Variants in HCRTR1 observed in about 807,000 individuals in gnomAD.
The protein encoded by HCRTR1 is hypocretin receptor 1, also known as orexin/Hypocretin receptor type 1.
Under a neutral mutation model 40.6 loss-of-function variants are expected in HCRTR1, and 28 were observed. The ratio of observed to expected loss-of-function variants is 0.69; its 90% CI spans 0.51 to 0.95. The LOEUF (loss-of-function observed/expected upper bound fraction) is 0.95, where lower values mean the gene tolerates loss of function less well. HCRTR1 is among the 40% of genes least tolerant of loss of function. The pLI is 0.00. For missense variants in HCRTR1, 482 were observed against 564.7 expected, an observed-to-expected ratio of 0.85 and a Z score of 1.48; for synonymous variants, 209 against 230.0, an observed-to-expected ratio of 0.91 and a Z score of 0.83.
Position 31,623,760 on chromosome 1 carries a change from G to C in HCRTR1, c.965+11G>C, listed in dbSNP as rs199761015. 2.5e-6 allele frequency: 4 copies of C among 1,604,236 alleles called. No homozygotes were observed. In the African/African-American group the frequency reaches 4.0e-5, roughly 16 times the overall value. On this transcript the variant is annotated intron_variant, in intron 7 of 8. Coordinates refer to ENST00000403528, the MANE Select transcript of HCRTR1 (RefSeq NM_001525.3). ...CAATGTCCTTAAGAGGTGAGAGCACGGGGTATGGTTGGGGTGGGGAGAAGT... is the reference window on the plus strand; with the variant it reads ...CAATGTCCTTAAGAGGTGAGAGCACCGGGTATGGTTGGGGTGGGGAGAAGT...
At chr1:31,632,758 AAGCCCTGAGGCCC>A (rs1440479121), downstream of HCRTR1, 37 of 1,220,686 alleles carry the variant, frequency 3.0e-5, no homozygotes, top group Non-Finnish European at 4.0e-5. Flanking sequence ...TCACAGAACC[AAGCCCTGAGGCCC>A]AGATGCCTGC....
downstream of HCRTR1, among the ~76,000 whole-genome samples, chr1:31,628,645 G>T (rs1375143382): frequency 6.6e-6 from 1 of 152,246 alleles, no homozygotes; most frequent in Admixed American, 6.5e-5. Context: ...TGGTTCAGTG[G>T]GAACAAAGAA....
At position 31,621,141 on chromosome 1, in the gene HCRTR1, G is replaced by A. The variant is rs532441867; in HGVS notation, c.622+55G>A. The A allele has an allele frequency of 1.7e-5, 27 of 1,562,556 alleles. No individual in the cohort carries two copies. In the African/African-American group the frequency reaches 3.2e-4, roughly 19 times the overall value. On this transcript the variant is annotated intron_variant, in intron 5 of 8. Transcript: ENST00000403528. The stretch of plus-strand genomic sequence containing the variant: ...CCTCAGGTGGGCACTTTGGGAGCAC[G>A]TACCCCTAGGACAGGCATCTAGCAG...
Position 31,623,474 on chromosome 1 carries a change from C to A in HCRTR1, c.739-49C>A, listed in dbSNP as rs757833209. The A allele has an allele frequency of 6.6e-6, 10 of 1,520,452 alleles. No homozygotes were observed. The South Asian group carries it at 1.3e-4, about 19-fold the overall frequency. The allele number at this position is 1,520,452 out of a possible 1,614,324, so 94.2% of individuals were successfully genotyped here. On this transcript the variant is annotated intron_variant, in intron 6 of 8. Transcript: ENST00000403528. ...GTAGGCCCCACAAAAGGCAACCACC[C>A]TCCCAAGGTGCTGTACCCACCACTG...
chr1:31,625,354 C>G lies in HCRTR1; in HGVS notation c.1087+236C>G, dbSNP rs1190051357. ...ATCCAGTTTTGCAGATTCTGCAGAC[C>G]AGTGAGTGAGTGGAAGGGCAGGGGC... is the stretch of plus-strand genomic sequence containing the variant. On this transcript the variant is annotated intron_variant, in intron 8 of 8. Transcript: ENST00000403528. This position sits in a 1 kb window ranked among gnomAD's most constrained non-coding sequence, Gnocchi z 4.2. 6.6e-6 allele frequency among the ~76,000 whole-genome samples: 1 copy of G among 152,206 alleles called. No homozygotes were observed. The highest frequency in any genetic ancestry group is 1.5e-5 in the Non-Finnish European group (1 of 68,032).
At chr1:31,632,305 C>T (rs376848772), downstream of HCRTR1, 281 of 979,866 alleles carry the variant, frequency 2.9e-4, no homozygotes, top group African/African-American at 4.0e-3. Context: ...TGTTTCCTTG[C>T]CCTGGCTCTT....
rs139827055 is a variant in HCRTR1 at position 31,619,644 on chromosome 1, G to C, written c.312G>C (p.Leu104=). ...LVTAICLPAS[L]LVDITESWLF... The stretch of plus-strand genomic sequence containing the variant: ...CTGCTATCTGCCTGCCGGCCAGCCT[G>C]CTGGTGGACATCACTGAGTCCTGGC... Residue 104 remains leucine, a synonymous_variant, in exon 4 of 9, where the codon CTG becomes CTC. Transcript: ENST00000403528. 1.2e-6 allele frequency: 2 copies of C among 1,613,958 alleles called. No individual in the cohort carries two copies. Among genetic ancestry groups the C allele is most frequent in the Non-Finnish European group, 1.7e-6 (2 of 1,179,928 alleles).
chr1:31,625,163 C>G lies in HCRTR1; in HGVS notation c.1087+45C>G. The G allele has an allele frequency of 1.3e-6, 2 of 1,544,796 alleles. No homozygotes were observed. The highest frequency in any genetic ancestry group is 1.8e-6 in the Non-Finnish European group (2 of 1,138,582). ...AAAATGACTGAGGGTGGCCAACAGT[C>G]CACATGACAAGTCTCCCCATCCCCA... is the stretch of plus-strand genomic sequence containing the variant. On this transcript the variant is annotated intron_variant, in intron 8 of 8. Transcript: ENST00000403528. This position sits in a 1 kb window ranked among gnomAD's most constrained non-coding sequence, Gnocchi z 4.2.
At position 31,626,855 on chromosome 1, in the gene HCRTR1, T is replaced by A; in HGVS notation, c.1153T>A (p.Ser385Thr). ...CCLPGLGPCGSLKAPSPRSSA... is the reference protein window; with the variant it reads ...CCLPGLGPCGTLKAPSPRSSA... The stretch of plus-strand genomic sequence containing the variant: ...CCTGCCTGGCCTGGGTCCCTGCGGC[T>A]CTCTGAAGGCCCCTAGTCCCCGCTC... The change falls in exon 9 of 9, where the codon TCT (serine) becomes ACT (threonine). Residue 385 changes from serine to threonine, a missense_variant. Ser to Thr is a moderately conservative substitution (Grantham distance 58, BLOSUM62 1). Transcript: ENST00000403528. The surrounding 1 kb of genome is among the most constrained non-coding windows in gnomAD (Gnocchi z 4.6). 1.9e-6 allele frequency: 3 copies of A among 1,614,058 alleles called. No individual in the cohort carries two copies. Among genetic ancestry groups the A allele is most frequent in the Non-Finnish European group, 2.5e-6 (3 of 1,179,998 alleles).
rs1248292340 is a variant in HCRTR1, at chr1:31,627,301, C to A, written c.*321C>A. On this transcript the variant is annotated 3_prime_UTR_variant, in exon 9 of 9. Coordinates refer to ENST00000403528, the MANE Select transcript of HCRTR1 (RefSeq NM_001525.3). ...CAGAGCTTGGTCATCCTCCTAAAGA[C>A]CCCTTTCCTACCCAATTACAGGCCT... is the stretch of plus-strand genomic sequence containing the variant. 3 of 1,349,184 alleles carry A rather than the reference C, an allele frequency of 2.2e-6. No individual in the cohort carries two copies. The highest frequency in any genetic ancestry group is 2.9e-6 in the Non-Finnish European group (3 of 1,029,528). 83.6% of individuals were successfully genotyped at this position (1,349,184 alleles called of 1,614,324 possible). A position where few individuals can be genotyped will look rare whatever the true frequency, so the allele number is the denominator to read the frequency against.
rs999362198 is a variant in HCRTR1, at chr1:31,625,365, T to C, written c.1087+247T>C. On this transcript the variant is annotated intron_variant, in intron 8 of 8. Transcript: ENST00000403528. This position sits in a 1 kb window ranked among gnomAD's most constrained non-coding sequence, Gnocchi z 4.2. The stretch of plus-strand genomic sequence containing the variant: ...CAGATTCTGCAGACCAGTGAGTGAG[T>C]GGAAGGGCAGGGGCTAGGCCAGCTC... Among the ~76,000 whole-genome samples, 2 of 151,874 alleles carry C rather than the reference T, an allele frequency of 1.3e-5. No individual in the cohort carries two copies. Among genetic ancestry groups the C allele is most frequent in the African/African-American group, 4.8e-5 (2 of 41,330 alleles).
chr1:31,618,919 G>C lies in HCRTR1; in HGVS notation c.-143+103G>C. ...TGGTGTGGAATTGGGATGCAACCCA[G>C]GTCTGTCTTCCTCCACCAATTTCAT... On this transcript the variant is annotated intron_variant, in intron 2 of 8. Coordinates refer to ENST00000403528, the MANE Select transcript of HCRTR1 (RefSeq NM_001525.3). The C allele has an allele frequency of 6.2e-6, 3 of 486,046 alleles. No individual in the cohort carries two copies. The South Asian group carries it at 7.1e-5, about 11-fold the overall frequency. The allele number at this position is 486,046 out of a possible 1,614,324, so 30.1% of individuals were successfully genotyped here.
chr1:31,631,500 C>T (rs1218072135), downstream of HCRTR1, among the ~76,000 whole-genome samples: 2 of 152,154 alleles, frequency 1.3e-5, no homozygotes, highest in African/African-American at 2.4e-5. Context: ...CTTACCAGGC[C>T]AGGCTAAAAC....
intron 4 of HCRTR1, among the ~76,000 whole-genome samples, chr1:31,620,001 C>T (rs756707811): frequency 3.3e-5 from 5 of 152,188 alleles, no homozygotes; most frequent in Non-Finnish European, 7.3e-5. Context: ...GGCACACAGT[C>T]AAGGAGAGAG....
rs773512118 is a variant in HCRTR1, at chr1:31,620,931, G to C, written c.467G>C (p.Ser156Thr). ...YAICHPLLFK[S>T]TARRARGSIL... is the part of the protein sequence containing the mutation. The stretch of plus-strand genomic sequence containing the variant: ...ATCTGCCACCCACTATTGTTCAAGA[G>C]CACAGCCCGGCGGGCCCGTGGCTCC... The change falls in exon 5 of 9, where the codon AGC becomes ACC. Residue 156 changes from serine to threonine, a missense_variant. Coordinates refer to ENST00000403528, the MANE Select transcript of HCRTR1 (RefSeq NM_001525.3). The C allele has an allele frequency of 1.2e-6, 2 of 1,614,130 alleles. No individual in the cohort carries two copies. The highest frequency in any genetic ancestry group is 2.2e-5 in the South Asian group (2 of 91,084).
downstream of HCRTR1, chr1:31,630,888 G>A (rs766879918): frequency 6.9e-6 from 10 of 1,454,810 alleles, no homozygotes; most frequent in Admixed American, 9.4e-5. Context: ...AACCTGCCAT[G>A]AGCACCTCCA....
chr1:31,621,525 A>G lies in HCRTR1; in HGVS notation c.671A>G (p.Tyr224Cys). The G allele has an allele frequency of 6.2e-7, 1 of 1,614,026 alleles. No individual in the cohort carries two copies. Among genetic ancestry groups the G allele is most frequent in the Middle Eastern group, 1.6e-4 (1 of 6,062 alleles). The change falls in exon 6 of 9, where the codon TAC becomes TGC. Residue 224 changes from tyrosine (Y) to cysteine (C), a missense_variant. By Grantham distance (194) the Tyr-to-Cys change is radical. Transcript: ENST00000403528. ...CACAGTTGCTTCTTTATTGTCACCT[A>G]CCTGGCCCCACTGGGCCTCATGGCC... ...IYHSCFFIVT[Y>C]LAPLGLMAMA...
chr1:31,621,136 A>G, intron 5 of HCRTR1, 50 bp downstream of exon 5: 1 of 1,570,764 alleles, frequency 6.4e-7, no homozygotes, highest in South Asian at 1.2e-5. Context: ...GCACTTTGGG[A>G]GCACGTACCC....
At chr1:31,623,874 C>A (rs560956811) in intron 7 of HCRTR1, 125 bp downstream of exon 7, 178 of 668,236 alleles carry the variant, frequency 2.7e-4, no homozygotes, top group Non-Finnish European at 4.2e-4. Context: ...GGCCATTTCT[C>A]TTCTCTGAGC....
Sources: allele counts gnomAD v4.1 joint callset (sites outside exome capture counted in the v4.1 genomes callset), GRCh38; gene constraint gnomAD v4.1.1; non-coding constraint Gnocchi (gnomAD v3.1); transcripts MANE v1.5; gene names NCBI Gene and HGNC (gene_info 2026-07-23, HGNC 2026-07-21).